Variants in ASH1L observed in about 807,000 individuals in gnomAD.
The protein encoded by ASH1L is histone-lysine N-methyltransferase ASH1L.
Under a neutral mutation model 269.0 loss-of-function variants are expected in ASH1L, and 23 were observed. That is an observed-to-expected ratio of 0.09 (90% CI 0.06 to 0.12). ASH1L has a LOEUF of 0.12. Among genes scored for constraint, ASH1L ranks in the 10% least tolerant of loss-of-function variants. The pLI, the probability that ASH1L is intolerant of heterozygous loss-of-function variation, is 1.00. For synonymous variants in ASH1L, 1,187 were observed against 1,253.5 expected (o/e 0.95, Z 1.12); for missense variants, 2,912 against 3,567.8 (o/e 0.82, Z 4.68).
chr1:155,352,724 C>A lies in ASH1L; in HGVS notation c.7348G>T (p.Gly2450Cys). 6.2e-7 allele frequency: 1 copy of A among 1,608,142 alleles called. No homozygotes were observed. Among genetic ancestry groups the A allele is most frequent in the Admixed American group, 1.7e-5 (1 of 58,312 alleles). ...TAGTCACCTTTATAAGAGATGATAC[C>A]ATCACAAATTTCTTTGAAGATCTGG... ...LAQIFKEICD[G>C]IISYKDSSRQ... The change falls in exon 17 of 28, where the codon GGT (glycine) becomes TGT (cysteine). Residue 2450 changes from glycine to cysteine, a missense_variant. By Grantham distance (159) the Gly-to-Cys change is radical. Coordinates refer to ENST00000392403, the MANE Select transcript of ASH1L (RefSeq NM_018489.3).
chr1:155,495,074 T>A (rs1297167314), intron 2 of ASH1L, among the ~76,000 whole-genome samples: 1 of 152,174 alleles, frequency 6.6e-6, no homozygotes, highest in East Asian at 1.9e-4. Flanking sequence ...GAGTCACTGG[T>A]AATCATGCAA....
intron 3 of ASH1L, among the ~76,000 whole-genome samples, chr1:155,463,920 A>C (rs1160852185): frequency 1.3e-5 from 2 of 152,202 alleles, no homozygotes; most frequent in African/African-American, 4.8e-5. Flanking sequence ...AGTACTACTC[A>C]TATAGGCACC....
At chr1:155,477,061 T>C (rs974690677) in intron 3 of ASH1L, among the ~76,000 whole-genome samples, 3 of 152,218 alleles carry the variant, frequency 2.0e-5, no homozygotes, top group African/African-American at 7.2e-5. Context: ...TATATACCCG[T>C]AATTTTACTT....
intron 10 of ASH1L, among the ~76,000 whole-genome samples, chr1:155,373,196 G>C (rs1656131505): frequency 6.7e-6 from 1 of 149,922 alleles, no homozygotes; most frequent in Admixed American, 6.7e-5. Context: ...CTGGGCAAAA[G>C]AGTGAGGCTC....
At position 155,482,550 on chromosome 1, in the gene ASH1L, A is replaced by G. The variant is rs569470717; in HGVS notation, c.421-101T>C. ...AACTAATGGATCACATATCAGATAA[A>G]CAATAGGCAACAGTGGTTTTTAAAA... On this transcript the variant is annotated intron_variant, in intron 2 of 27. Transcript: ENST00000392403. The G allele has an allele frequency of 4.4e-5, 54 of 1,233,416 alleles. No individual in the cohort carries two copies. In the African/African-American group the frequency reaches 7.5e-4, roughly 17 times the overall value. The allele number at this position is 1,233,416 out of a possible 1,614,324, so 76.4% of individuals were successfully genotyped here.
At chr1:155,415,602 A>G in intron 6 of ASH1L, 142 bp downstream of exon 6, 1 of 877,936 alleles carries the variant, frequency 1.1e-6, no homozygotes, top group Admixed American at 2.3e-5. Context: ...AGTTTGAGGG[A>G]GGCGTACCTC....
intron 2 of ASH1L, among the ~76,000 whole-genome samples, chr1:155,519,788 G>C (rs1418146589): frequency 6.6e-6 from 1 of 151,846 alleles, no homozygotes; most frequent in Non-Finnish European, 1.5e-5. Flanking sequence ...CCTCCCAAGG[G>C]CTGGGATTAC....
chr1:155,466,524 A>C (rs1664714017), intron 3 of ASH1L, among the ~76,000 whole-genome samples: 1 of 152,168 alleles, frequency 6.6e-6, no homozygotes, highest in Non-Finnish European at 1.5e-5. Flanking sequence ...GTAGGTTCAC[A>C]CTTCCTTTAT....
At chr1:155,413,309 C>CA (rs1659946707) in intron 6 of ASH1L, among the ~76,000 whole-genome samples, 1 of 152,008 alleles carries the variant, frequency 6.6e-6, no homozygotes, top group Non-Finnish European at 1.5e-5. Context: ...AATTTTCTTA[C>CA]AAAGAAGGAG....
intron 16 of ASH1L, among the ~76,000 whole-genome samples, chr1:155,353,429 T>C (rs1654096225): frequency 6.6e-6 from 1 of 152,146 alleles, no homozygotes; most frequent in African/African-American, 2.4e-5. Flanking sequence ...TTTTTAAATC[T>C]ATCTAGTTAG....
intron 6 of ASH1L, among the ~76,000 whole-genome samples, chr1:155,405,970 G>T (rs988297288): frequency 1.3e-5 from 2 of 151,954 alleles, no homozygotes; most frequent in African/African-American, 4.8e-5. Flanking sequence ...TTGGGAGGCC[G>T]AGGCGGATGG....
At chr1:155,429,370 C>A (rs892403909) in intron 5 of ASH1L, among the ~76,000 whole-genome samples, 1 of 152,046 alleles carries the variant, frequency 6.6e-6, no homozygotes, top group South Asian at 2.1e-4. Flanking sequence ...ACCTCCTGGG[C>A]TCAAGTGATT....
intron 4 of ASH1L, among the ~76,000 whole-genome samples, chr1:155,444,439 G>C (rs554032303): frequency 6.6e-6 from 1 of 152,120 alleles, no homozygotes; most frequent in Non-Finnish European, 1.5e-5. Context: ...ATTCTAATGG[G>C]TGTGTTCTCA....
At chr1:155,536,084 G>A (rs1670037801) in intron 1 of ASH1L, among the ~76,000 whole-genome samples, 1 of 151,926 alleles carries the variant, frequency 6.6e-6, no homozygotes, top group Admixed American at 6.6e-5. Flanking sequence ...AATTTCCACA[G>A]ATAACCATCA....
In ASH1L at chr1:155,482,068, T is replaced by C. The variant is rs1176580461; in HGVS notation, c.802A>G (p.Lys268Glu). ...GVGSVAGIIH[K>E]DLIKKPTIST... The stretch of plus-strand genomic sequence containing the variant: ...ATGGTTGGCTTTTTTATTAAGTCCT[T>C]ATGTATTATTCCAGCTACAGAGCCA... Residue 268 changes from lysine (K) to glutamate (E), a missense_variant, in exon 3 of 28, where the codon AAG (lysine) becomes GAG (glutamate). Transcript: ENST00000392403. The C allele has an allele frequency of 6.2e-7, 1 of 1,614,160 alleles. No homozygotes were observed. Among genetic ancestry groups the C allele is most frequent in the African/African-American group, 1.3e-5 (1 of 75,042 alleles).
At chr1:155,524,283 G>A (rs938719902) in intron 1 of ASH1L, among the ~76,000 whole-genome samples, 3 of 152,092 alleles carry the variant, frequency 2.0e-5, no homozygotes, top group Non-Finnish European at 2.9e-5. Context: ...AGCACTTTGG[G>A]AGGCTGACGG....
In ASH1L at chr1:155,513,448, T is replaced by C. The variant is rs1668298622; in HGVS notation, c.420+7652A>G. ...TGAGCCAGGAGTGGTTGTGCATGCC[T>C]GTAGCCGGTCTACTCAAGAGGCTGA... On this transcript the variant is annotated intron_variant, in intron 2 of 27. Transcript: ENST00000392403. Among the ~76,000 whole-genome samples the C allele has an allele frequency of 2.0e-5, 3 of 151,318 alleles. No homozygotes were observed. The South Asian group carries it at 6.3e-4, about 32-fold the overall frequency.
In ASH1L at chr1:155,505,710, T is replaced by C. The variant is rs181040688; in HGVS notation, c.420+15390A>G. On this transcript the variant is annotated intron_variant, in intron 2 of 27. Coordinates refer to ENST00000392403, the MANE Select transcript of ASH1L (RefSeq NM_018489.3). ...CACTGAACTGTACATTTTAAAAGGA[T>C]AAATTTTACAGTATTTGAATTATAT... 5.7e-4 allele frequency among the ~76,000 whole-genome samples: 87 copies of C among 152,308 alleles called. 1 individual carries two copies. The highest frequency in any genetic ancestry group is 2.0e-3 in the African/African-American group (84 of 41,576).
intron 2 of ASH1L, among the ~76,000 whole-genome samples, chr1:155,517,389 G>A (rs1668564745): frequency 6.6e-6 from 1 of 152,124 alleles, no homozygotes; most frequent in Non-Finnish European, 1.5e-5. Context: ...AGCATTATGG[G>A]AGGCCGAGGC....
Sources: allele counts gnomAD v4.1 joint callset (sites outside exome capture counted in the v4.1 genomes callset), GRCh38; gene constraint gnomAD v4.1.1; transcripts MANE v1.5; gene names NCBI Gene and HGNC (gene_info 2026-07-23, HGNC 2026-07-21).